KCNN2: variants seen among roughly 807,000 people sequenced by gnomAD.
KCNN2 encodes potassium calcium-activated channel subfamily N member 2, also known as small conductance calcium-activated potassium channel protein 2.
A neutral mutation model predicts 55.5 loss-of-function variants in KCNN2; 24 were observed. The ratio of observed to expected loss-of-function variants is 0.43; its 90% confidence interval spans 0.31 to 0.61. The LOEUF (loss-of-function observed/expected upper bound fraction) is 0.61. KCNN2 is among the 20% of genes least tolerant of loss of function. KCNN2 has a pLI of 0.08. For missense variants in KCNN2, 754 were observed against 853.6 expected (o/e 0.88, Z 1.45); for synonymous variants, 431 against 336.1 (o/e 1.28, Z -3.09).
intron 1 of KCNN2, among the ~76,000 whole-genome samples, chr5:114,083,674 CA>C (rs1223618089): frequency 6.6e-6 from 1 of 151,966 alleles, no homozygotes; most frequent in Non-Finnish European, 1.5e-5. Flanking sequence ...ATTTATGAAC[CA>C]GTATTGATAC....
At chr5:114,360,391 C>A (rs1259620103), upstream of KCNN2, among the ~76,000 whole-genome samples, 1 of 152,162 alleles carries the variant, frequency 6.6e-6, no homozygotes, top group Non-Finnish European at 1.5e-5. Flanking sequence ...CTGAGAATTC[C>A]AATTACCTAA....
At chr5:114,216,745 T>C (rs1036268456) in intron 1 of KCNN2, among the ~76,000 whole-genome samples, 3 of 152,116 alleles carry the variant, frequency 2.0e-5, no homozygotes, top group Admixed American at 6.6e-5. Context: ...CTTCTTTTCA[T>C]TGTTGCACTG....
intron 1 of KCNN2, among the ~76,000 whole-genome samples, chr5:114,092,447 A>G (rs953672432): frequency 2.0e-5 from 3 of 152,148 alleles, no homozygotes; most frequent in Non-Finnish European, 2.9e-5. Flanking sequence ...TTCCAGGTAC[A>G]TGGTGCAAGC....
intron 3 of KCNN2, among the ~76,000 whole-genome samples, chr5:114,449,544 T>G (rs1255773950): frequency 4.6e-5 from 7 of 152,178 alleles, no homozygotes. Flanking sequence ...CAGTCTGTTC[T>G]CTTAGAGAAA....
At chr5:114,340,035 C>T (rs1426976646) in intron 2 of KCNN2, among the ~76,000 whole-genome samples, 1 of 152,074 alleles carries the variant, frequency 6.6e-6, no homozygotes, top group Non-Finnish European at 1.5e-5. Flanking sequence ...ATATATGACT[C>T]AAGTCAGGAT....
At chr5:114,165,997 G>A (rs1322013402) in intron 1 of KCNN2, among the ~76,000 whole-genome samples, 1 of 151,858 alleles carries the variant, frequency 6.6e-6, no homozygotes, top group African/African-American at 2.4e-5. Flanking sequence ...CTGCCTATAT[G>A]TCTTACCATC....
chr5:114,291,617 C>A (rs1469310262), intron 2 of KCNN2, among the ~76,000 whole-genome samples: 1 of 152,130 alleles, frequency 6.6e-6, no homozygotes, highest in African/African-American at 2.4e-5. Context: ...GGTTCCAAGT[C>A]TTTTGCTATT....
intron 2 of KCNN2, among the ~76,000 whole-genome samples, chr5:114,368,097 T>G (rs1366832444): frequency 1.3e-5 from 2 of 152,158 alleles, no homozygotes; most frequent in African/African-American, 4.8e-5. Flanking sequence ...ATCCATGGGT[T>G]CTGCATCAGC....
chr5:114,485,850 C>T (rs1384361059), intron 5 of KCNN2, among the ~76,000 whole-genome samples: 2 of 152,136 alleles, frequency 1.3e-5, no homozygotes, highest in African/African-American at 4.8e-5. Context: ...TATCAGTTAC[C>T]AAACCTGATG....
At chr5:114,065,398 G>A (rs1750424933) in intron 1 of KCNN2, among the ~76,000 whole-genome samples, 1 of 152,202 alleles carries the variant, frequency 6.6e-6, no homozygotes, top group Non-Finnish European at 1.5e-5. Flanking sequence ...TGTACATGAG[G>A]TGCTTACCAA....
At chr5:114,061,908 G>A (rs1750340032) in intron 1 of KCNN2, among the ~76,000 whole-genome samples, 1 of 152,070 alleles carries the variant, frequency 6.6e-6, no homozygotes, top group Admixed American at 6.5e-5. Flanking sequence ...CCAGTCAACT[G>A]GATGTTTTTC....
At chr5:114,252,666 AC>A (rs1415476271) in intron 2 of KCNN2, among the ~76,000 whole-genome samples, 2 of 151,098 alleles carry the variant, frequency 1.3e-5, no homozygotes, top group African/African-American at 2.4e-5. Context: ...CTTCCCCCCA[AC>A]CCCCACCCCC....
At chr5:114,467,784 C>T (rs1366707960) in intron 4 of KCNN2, among the ~76,000 whole-genome samples, 3 of 152,154 alleles carry the variant, frequency 2.0e-5, no homozygotes, top group African/African-American at 7.2e-5. Flanking sequence ...GCACACAGCT[C>T]ATGGACTCCA....
At chr5:114,191,567 A>G (rs1753449929) in intron 1 of KCNN2, among the ~76,000 whole-genome samples, 1 of 152,154 alleles carries the variant, frequency 6.6e-6, no homozygotes. Context: ...AACATTTACA[A>G]ATCAAACAGA....
At chr5:114,451,138 C>T (rs527498328) in intron 3 of KCNN2, among the ~76,000 whole-genome samples, 1 of 152,270 alleles carries the variant, frequency 6.6e-6, no homozygotes, top group South Asian at 2.1e-4. Flanking sequence ...TCCAATATGA[C>T]ATGTAAATGC....
chr5:114,071,764 T>A (rs568459369), intron 1 of KCNN2, among the ~76,000 whole-genome samples: 2 of 152,334 alleles, frequency 1.3e-5, no homozygotes, highest in Admixed American at 6.5e-5. Context: ...TTATGGGCAG[T>A]ACACAAGGGA....
chr5:114,394,950 C>G (rs1215876616), intron 2 of KCNN2, among the ~76,000 whole-genome samples: 3 of 152,164 alleles, frequency 2.0e-5, no homozygotes, highest in Non-Finnish European at 4.4e-5. Context: ...CCTGGCTATT[C>G]TACTTACTTT....
intron 2 of KCNN2, among the ~76,000 whole-genome samples, chr5:114,227,258 G>A (rs1754255586): frequency 6.6e-6 from 1 of 152,152 alleles, no homozygotes; most frequent in South Asian, 2.1e-4. Context: ...GTGAGTGCCA[G>A]TGTTTTCCTA....
intron 1 of KCNN2, among the ~76,000 whole-genome samples, chr5:114,136,977 C>G (rs1184029693): frequency 1.3e-5 from 2 of 152,202 alleles, no homozygotes; most frequent in Admixed American, 6.5e-5. Context: ...CTCAGGGAGC[C>G]TGAGCTCTGT....
Sources: allele counts gnomAD v4.1 joint callset (sites outside exome capture counted in the v4.1 genomes callset), GRCh38; gene constraint gnomAD v4.1.1; transcripts MANE v1.5; gene names NCBI Gene and HGNC (gene_info 2026-07-23, HGNC 2026-07-21).